MAN2A1: variants seen among roughly 807,000 people sequenced by gnomAD.
MAN2A1 encodes alpha-mannosidase 2.
MAN2A1 carries 76 observed loss-of-function variants against 142.6 expected under a neutral mutation model. That is an observed-to-expected ratio of 0.53 (90% CI 0.44 to 0.65). The LOEUF is 0.65. Ranked by LOEUF, MAN2A1 falls within the 30% of genes least tolerant of loss-of-function variation. The pLI is 0.00. For synonymous variants in MAN2A1, 559 were observed against 473.2 expected, an observed-to-expected ratio of 1.18 and a Z score of -2.35; for missense variants, 1,311 against 1,365.1, an observed-to-expected ratio of 0.96 and a Z score of 0.62.
chr5:109,767,969 A>G (rs1177346648), intron 6 of MAN2A1, among the ~76,000 whole-genome samples: 1 of 152,238 alleles, frequency 6.6e-6, no homozygotes, highest in Non-Finnish European at 1.5e-5. Flanking sequence ...TATTTTGCCA[A>G]TAATGCTTTC....
chr5:109,862,407 A>C (rs1292081902), intron 20 of MAN2A1: 3 of 152,216 alleles, frequency 2.0e-5, no homozygotes, highest in African/African-American at 7.2e-5. Context: ...GTGCAACTTT[A>C]GAATACGCCA....
chr5:109,860,069 C>T (rs745397278), intron 20 of MAN2A1, among the ~76,000 whole-genome samples: 1 of 151,890 alleles, frequency 6.6e-6, no homozygotes, highest in Non-Finnish European at 1.5e-5. Context: ...TTTCTCTCTC[C>T]ACTTGTTCAT....
chr5:109,753,364 G>T (rs547842886), intron 4 of MAN2A1, among the ~76,000 whole-genome samples: 43 of 152,192 alleles, frequency 2.8e-4, no homozygotes, highest in Non-Finnish European at 5.9e-4. Flanking sequence ...CTTGAATTTA[G>T]TTGTGTTCTT....
intron 13 of MAN2A1, 136 bp from the exon 14 acceptor site, chr5:109,819,533 C>A (rs914752814): frequency 6.0e-6 from 3 of 499,026 alleles, no homozygotes; most frequent in Non-Finnish European, 1.1e-5. Context: ...GACATGGAAC[C>A]TGTGGATATG....
At chr5:109,758,694 AAT>A (rs1752757623) in intron 5 of MAN2A1, among the ~76,000 whole-genome samples, 1 of 148,522 alleles carries the variant, frequency 6.7e-6, no homozygotes, top group South Asian at 2.1e-4. Context: ...TTATATAGTT[AAT>A]ATATAATAGT....
intron 19 of MAN2A1, among the ~76,000 whole-genome samples, chr5:109,849,226 A>G (rs765454694): frequency 6.6e-6 from 1 of 152,076 alleles, no homozygotes; most frequent in South Asian, 2.1e-4. Flanking sequence ...TCCCTTGGCA[A>G]TCTCTTCTAC....
In MAN2A1 at chr5:109,825,039, A is replaced by G. The variant is rs988862958; in HGVS notation, c.2566+1202A>G. 3.3e-5 allele frequency among the ~76,000 whole-genome samples: 5 copies of G among 152,200 alleles called. No individual in the cohort carries two copies. In the East Asian group the frequency reaches 9.6e-4, roughly 29 times the overall value. ...ATGCTAGACACTAATTTTGTGTCCT[A>G]AATGTGACTTCTGAAGTTATCTGTG... On this transcript the variant is annotated intron_variant, in intron 16 of 21. Transcript: ENST00000261483.
At position 109,729,427 on chromosome 5, in the gene MAN2A1, A is replaced by G. The variant is rs1313209798; in HGVS notation, c.621A>G (p.Ser207=). 1 of 1,603,390 alleles carries G rather than the reference A, an allele frequency of 6.2e-7. No individual in the cohort carries two copies. Among genetic ancestry groups the G allele is most frequent in the Middle Eastern group, 1.7e-4 (1 of 6,022 alleles). ...TGGTCCTAAAGCTGAAAGAAGACTC[A>G]CGGAGGAAGTTTATTTGGTCTGAGA... ...NNMVLKLKED[S]RRKFIWSEIS... The change falls in exon 4 of 22, where the codon TCA becomes TCG. Residue 207 remains serine, a synonymous_variant. Coordinates refer to ENST00000261483, the MANE Select transcript of MAN2A1 (RefSeq NM_002372.4).
At chr5:109,791,206 T>A (rs1296476681) in intron 12 of MAN2A1, among the ~76,000 whole-genome samples, 4 of 152,064 alleles carry the variant, frequency 2.6e-5, no homozygotes, top group African/African-American at 9.7e-5. Flanking sequence ...ATTGACTTCC[T>A]ATTTCTGTAG....
intron 16 of MAN2A1, among the ~76,000 whole-genome samples, chr5:109,836,126 T>G (rs1755048827): frequency 6.6e-6 from 1 of 151,572 alleles, no homozygotes; most frequent in Admixed American, 6.6e-5. Context: ...TTATTATTTT[T>G]GCGATGGAGT....
chr5:109,734,448 T>G (rs1351234895), intron 4 of MAN2A1, among the ~76,000 whole-genome samples: 3 of 152,154 alleles, frequency 2.0e-5, no homozygotes, highest in Non-Finnish European at 4.4e-5. Context: ...CTCTAGTTCT[T>G]TTAATTGTGA....
chr5:109,764,091 G>T (rs905540003), intron 5 of MAN2A1, among the ~76,000 whole-genome samples: 12 of 152,152 alleles, frequency 7.9e-5, no homozygotes, highest in Admixed American at 3.3e-4. Flanking sequence ...ATGAGCCACC[G>T]TGTCCGGCCT....
At chr5:109,814,314 A>C (rs989653742) in intron 12 of MAN2A1, among the ~76,000 whole-genome samples, 2 of 152,216 alleles carry the variant, frequency 1.3e-5, no homozygotes, top group South Asian at 2.1e-4. Context: ...GAAAGGACTC[A>C]TGTTTGGGGA....
At chr5:109,715,200 T>C (rs56021829) in intron 2 of MAN2A1, among the ~76,000 whole-genome samples, 15,396 of 151,952 alleles carry the variant, frequency 0.1, 1,101 homozygotes, top group African/African-American at 0.21. Flanking sequence ...GAAGATTTTA[T>C]TTTATTTATT....
At chr5:109,805,549 G>C (rs1754142570) in intron 12 of MAN2A1, among the ~76,000 whole-genome samples, 3 of 152,176 alleles carry the variant, frequency 2.0e-5, no homozygotes, top group Admixed American at 2.0e-4. Context: ...GCTCTAGGCA[G>C]ATCTCACTGT....
chr5:109,737,255 C>G (rs1752129785), intron 4 of MAN2A1, among the ~76,000 whole-genome samples: 3 of 151,870 alleles, frequency 2.0e-5, no homozygotes, highest in African/African-American at 7.2e-5. Flanking sequence ...CCATGCCTGG[C>G]TAATTTTTGT....
At chr5:109,800,805 GTGCT>G (rs1408395806) in intron 12 of MAN2A1, among the ~76,000 whole-genome samples, 2 of 151,972 alleles carry the variant, frequency 1.3e-5, no homozygotes, top group Non-Finnish European at 2.9e-5. Flanking sequence ...TATGGAAGAA[GTGCT>G]TGGTACATAG....
At chr5:109,734,062 G>C (rs1162629939) in intron 4 of MAN2A1, among the ~76,000 whole-genome samples, 1 of 152,138 alleles carries the variant, frequency 6.6e-6, no homozygotes, top group Non-Finnish European at 1.5e-5. Context: ...TCTATTCAGA[G>C]ATTCAACTTT....
intron 8 of MAN2A1, among the ~76,000 whole-genome samples, chr5:109,779,659 G>A (rs764941631): frequency 9.2e-5 from 14 of 151,934 alleles, no homozygotes; most frequent in Non-Finnish European, 1.9e-4. Context: ...TATTGAGTGC[G>A]TATTATTTGC....
Sources: gnomAD v4.1 joint callset for allele counts (sites outside exome capture counted in the v4.1 genomes callset) on GRCh38, gnomAD v4.1.1 for gene constraint, MANE v1.5 for transcripts, NCBI Gene and HGNC (gene_info 2026-07-23, HGNC 2026-07-21) for gene names.